ENTREP1: variants seen among roughly 807,000 people sequenced by gnomAD.
ENTREP1 encodes endosomal transmembrane epsin interactor 1.
At chr9:69,332,851 C>T in the ENTREP1 span, among the ~76,000 whole-genome samples, 2 of 152,130 alleles carry the variant, frequency 1.3e-5, no homozygotes, top group Non-Finnish European at 2.9e-5. Context: ...GATATATGTT[C>T]ATAGATGTTT....
chr9:69,369,155 T>TGG, the ENTREP1 span, among the ~76,000 whole-genome samples: 1 of 152,188 alleles, frequency 6.6e-6, no homozygotes, highest in African/African-American at 2.4e-5. Flanking sequence ...GCAAAGGACA[T>TGG]GAACTCATTC....
chr9:69,346,303 T>C, the ENTREP1 span, among the ~76,000 whole-genome samples: 8 of 152,116 alleles, frequency 5.3e-5, no homozygotes, highest in Admixed American at 2.0e-4. Flanking sequence ...TTTTAAACAT[T>C]TTCTGGTTTT....
chr9:69,383,315 C>T, the ENTREP1 span: 1 of 943,646 alleles, frequency 1.1e-6, no homozygotes, highest in Admixed American at 4.4e-5. Context: ...AACAGTCACT[C>T]CCCATTCCCT....
the ENTREP1 span, among the ~76,000 whole-genome samples, chr9:69,342,942 T>C: frequency 6.6e-6 from 1 of 152,228 alleles, no homozygotes; most frequent in African/African-American, 2.4e-5. Flanking sequence ...TCCTCAGAAA[T>C]TGAAAGCAGT....
At chr9:69,325,441 C>G in the ENTREP1 span, 1 of 962,684 alleles carries the variant, frequency 1.0e-6, no homozygotes, top group Non-Finnish European at 1.2e-6. Context: ...TGCGGCCGCG[C>G]TGGCCCCGGG....
At chr9:69,366,780 T>C in the ENTREP1 span, among the ~76,000 whole-genome samples, 1 of 152,266 alleles carries the variant, frequency 6.6e-6, no homozygotes, top group South Asian at 2.1e-4. Context: ...CCCAGCATCA[T>C]TTATTGAAGA....
the ENTREP1 span, among the ~76,000 whole-genome samples, chr9:69,356,368 C>A: frequency 6.6e-6 from 1 of 152,172 alleles, no homozygotes; most frequent in East Asian, 1.9e-4. Flanking sequence ...CTGGACCTCA[C>A]CTCGTGATAT....
At chr9:69,333,266 T>C in the ENTREP1 span, among the ~76,000 whole-genome samples, 1 of 152,018 alleles carries the variant, frequency 6.6e-6, no homozygotes, top group Admixed American at 6.6e-5. Flanking sequence ...CATATTGCTA[T>C]TTTATGGGCT....
At chr9:69,349,858 G>A in the ENTREP1 span, among the ~76,000 whole-genome samples, 1 of 152,136 alleles carries the variant, frequency 6.6e-6, no homozygotes, top group Non-Finnish European at 1.5e-5. Flanking sequence ...GTAACTTATT[G>A]AATACTGTAC....
At chr9:69,348,504 C>T in the ENTREP1 span, among the ~76,000 whole-genome samples, 1 of 152,094 alleles carries the variant, frequency 6.6e-6, no homozygotes, top group African/African-American at 2.4e-5. Flanking sequence ...GATTTTTAGC[C>T]TATTCCCAGA....
chr9:69,379,228 A>G, the ENTREP1 span, among the ~76,000 whole-genome samples: 2 of 152,228 alleles, frequency 1.3e-5, no homozygotes, highest in Non-Finnish European at 2.9e-5. Context: ...GGGTGATGGT[A>G]TGTGACTTTG....
At chr9:69,391,904 C>T in the ENTREP1 span, 1 of 1,175,894 alleles carries the variant, frequency 8.5e-7, no homozygotes, top group South Asian at 1.4e-5. Context: ...AAGGAGCACT[C>T]TGGAGGACAC....
chr9:69,336,424 T>C, the ENTREP1 span, among the ~76,000 whole-genome samples: 1 of 152,168 alleles, frequency 6.6e-6, no homozygotes, highest in African/African-American at 2.4e-5. Context: ...TCATAACCAG[T>C]AAGTAAGATA....
the ENTREP1 span, among the ~76,000 whole-genome samples, chr9:69,337,172 G>A: frequency 3.3e-5 from 5 of 151,832 alleles, no homozygotes; most frequent in South Asian, 2.1e-4. Context: ...GCACCAACAC[G>A]CCTGGCTAAT....
At chr9:69,364,607 C>T in the ENTREP1 span, among the ~76,000 whole-genome samples, 1 of 151,990 alleles carries the variant, frequency 6.6e-6, no homozygotes, top group African/African-American at 2.4e-5. Flanking sequence ...CTAGAGGCAT[C>T]CATTCTGAAG....
At chr9:69,341,437 A>T in the ENTREP1 span, among the ~76,000 whole-genome samples, 1 of 152,082 alleles carries the variant, frequency 6.6e-6, no homozygotes, top group African/African-American at 2.4e-5. Context: ...ATTTAGGATA[A>T]AACCTCATTA....
At chr9:69,347,277 T>A in the ENTREP1 span, among the ~76,000 whole-genome samples, 1 of 152,284 alleles carries the variant, frequency 6.6e-6, no homozygotes, top group African/African-American at 2.4e-5. Context: ...GCAGTAGGTA[T>A]CTCTGAGGAG....
At chr9:69,372,772 C>A in the ENTREP1 span, among the ~76,000 whole-genome samples, 1 of 151,884 alleles carries the variant, frequency 6.6e-6, no homozygotes, top group African/African-American at 2.4e-5. Flanking sequence ...ATAGCAACTG[C>A]ACCATTTAAT....
chr9:69,338,069 G>A, the ENTREP1 span, among the ~76,000 whole-genome samples: 1 of 152,232 alleles, frequency 6.6e-6, no homozygotes, highest in Non-Finnish European at 1.5e-5. Context: ...AGGCCCACAA[G>A]ATGACATAGG....
Sources: gnomAD v4.1 joint callset for allele counts (sites outside exome capture counted in the v4.1 genomes callset) on GRCh38, gnomAD v4.1.1 for gene constraint, MANE v1.5 for transcripts, NCBI Gene and HGNC (gene_info 2026-07-23, HGNC 2026-07-21) for gene names.